ACSM3: variants seen among roughly 807,000 people sequenced by gnomAD.
The protein encoded by ACSM3 is acyl-CoA synthetase medium chain family member 3, also known as acyl-coenzyme A synthetase ACSM3, mitochondrial.
Under a neutral mutation model 74.1 loss-of-function variants are expected in ACSM3, and 61 were observed. The ratio of observed to expected loss-of-function variants is 0.82; its 90% CI spans 0.67 to 1.02. The LOEUF is 1.02. Ranked by LOEUF, ACSM3 falls within the 50% of genes least tolerant of loss-of-function variation. The probability of loss-of-function intolerance (pLI) is 0.00; values close to 1 mark genes in which losing one functional copy is unlikely to be tolerated. For synonymous variants in ACSM3, 213 were observed against 241.5 expected (o/e 0.88, Z 1.09); for missense variants, 660 against 697.0 (o/e 0.95, Z 0.60).
Position 20,770,055 on chromosome 16 carries a change from GA to G in ACSM3, c.23del (p.Lys8ArgfsTer12). MLARVTR[K>X]MLRHAKCFQR... ...GACTGATGCTAGCTCGTGTCACCAG[GA>G]AGATGCTACGTCATGCCAAGTGTTT... On this transcript the variant is annotated frameshift_variant, in exon 2 of 14. Coordinates refer to ENST00000289416, the MANE Select transcript of ACSM3 (RefSeq NM_005622.4). LOFTEE classifies it high-confidence loss of function. 2.5e-6 allele frequency: 4 copies of G among 1,614,168 alleles called. No individual in the cohort carries two copies. The highest frequency in any genetic ancestry group is 3.4e-6 in the Non-Finnish European group (4 of 1,180,008).
chr16:20,684,471 G>A (rs1443401828), intron 1 of ACSM3, among the ~76,000 whole-genome samples: 1 of 152,228 alleles, frequency 6.6e-6, no homozygotes, highest in Non-Finnish European at 1.5e-5. Context: ...CCCCTGATGT[G>A]ATGCACAGAG....
intron 12 of ACSM3, among the ~76,000 whole-genome samples, chr16:20,794,013 A>G (rs1230841033): frequency 1.3e-5 from 2 of 152,100 alleles, no homozygotes; most frequent in African/African-American, 4.8e-5. Flanking sequence ...AGTCAGAGTG[A>G]GGGGGAAAGT....
At chr16:20,775,743 G>A (rs1282395800) in intron 2 of ACSM3, 96 bp from the exon 3 acceptor site, 8 of 1,255,754 alleles carry the variant, frequency 6.4e-6, no homozygotes, top group African/African-American at 3.0e-5. Context: ...AATGACTTGC[G>A]AACTTTCTTC....
At chr16:20,796,655 C>T (rs1039622698) in intron 13 of ACSM3, 166 bp downstream of exon 13, 3 of 1,481,350 alleles carry the variant, frequency 2.0e-6, no homozygotes, top group Admixed American at 2.8e-5. Flanking sequence ...TAAAATGAAA[C>T]CCTGAACCTA....
At chr16:20,704,600 AT>A (rs1368322376) in intron 1 of ACSM3, among the ~76,000 whole-genome samples, 1 of 152,206 alleles carries the variant, frequency 6.6e-6, no homozygotes, top group African/African-American at 2.4e-5. Context: ...ACTGATTCCA[AT>A]CCAAAATGCT....
chr16:20,796,379 G>T lies in ACSM3; in HGVS notation c.1564G>T (p.Ala522Ser), dbSNP rs758739948. ...PDPIRGEVVK[A>S]FVVLNPDYKS... is the part of the protein sequence containing the mutation. ...CAAATATTTATTTTAGGTAGTAAAG[G>T]CTTTTGTCGTTCTAAATCCTGATTA... Residue 522 changes from alanine (A) to serine (S), a missense_variant, in exon 13 of 14, where the codon GCT becomes TCT. Coordinates refer to ENST00000289416, the MANE Select transcript of ACSM3 (RefSeq NM_005622.4). The T allele has an allele frequency of 6.2e-7, 1 of 1,610,738 alleles. No homozygotes were observed. Among genetic ancestry groups the T allele is most frequent in the Non-Finnish European group, 8.5e-7 (1 of 1,179,256 alleles).
In ACSM3 at chr16:20,738,169, T is replaced by C; in HGVS notation, c.-189-11741T>C. On this transcript the variant is annotated intron_variant, in intron 1 of 3. Transcript: ENST00000561584. Reference sequence around the variant, plus strand: ...CTAATATATTTTAACTTTTCATCATTATTACTGCTTGCACTAGAAATGACT... The same window carrying C: ...CTAATATATTTTAACTTTTCATCATCATTACTGCTTGCACTAGAAATGACT... The C allele has an allele frequency of 4.9e-6, 3 of 606,518 alleles. 1 individual carries two copies. The highest frequency in any genetic ancestry group is 4.4e-5 in the South Asian group (3 of 67,942). The allele number at this position is 606,518 out of a possible 1,614,324, so 37.6% of individuals were successfully genotyped here. A position where few individuals can be genotyped will look rare whatever the true frequency, so the allele number is the denominator to read the frequency against.
At position 20,764,113 on chromosome 16, in the gene ACSM3, A is replaced by T. The variant is rs1217604958; in HGVS notation, c.-64A>T. The stretch of plus-strand genomic sequence containing the variant: ...CTGCCATAATCTCCATCTGTGTTGG[A>T]ATCTGTTAACTAGTGAGTACCTCAT... On this transcript the variant is annotated 5_prime_UTR_variant, in exon 1 of 14. Transcript: ENST00000289416. 6.6e-6 allele frequency: 1 copy of T among 152,216 alleles called. No individual in the cohort carries two copies. Among genetic ancestry groups the T allele is most frequent in the Non-Finnish European group, 1.5e-5 (1 of 68,040 alleles). The allele number at this position is 152,216 out of a possible 1,614,324, so 9.4% of individuals were successfully genotyped here. A position where few individuals can be genotyped will look rare whatever the true frequency, so the allele number is the denominator to read the frequency against.
intron 1 of ACSM3, among the ~76,000 whole-genome samples, chr16:20,688,331 T>C (rs547865749): frequency 1.3e-5 from 2 of 152,164 alleles, no homozygotes; most frequent in East Asian, 3.9e-4. Flanking sequence ...CCAACCAATA[T>C]ACCCATTTTG....
In ACSM3 at chr16:20,682,533, C is replaced by T. The variant is rs2079469409; in HGVS notation, c.-190+7711C>T. On this transcript the variant is annotated intron_variant, in intron 1 of 3. Transcript: ENST00000561584. ...ACCATGGGCTTTAGACTTGGCTTGTCTGCATCGAAATACCCTAACTTCTTG... is the reference window on the plus strand; with the variant it reads ...ACCATGGGCTTTAGACTTGGCTTGTTTGCATCGAAATACCCTAACTTCTTG... 1.5e-5 allele frequency: 20 copies of T among 1,297,036 alleles called. No homozygotes were observed. The Admixed American group carries it at 3.3e-4, about 21-fold the overall frequency. 80.3% of individuals were successfully genotyped at this position (1,297,036 alleles called of 1,614,324 possible). A position where few individuals can be genotyped will look rare whatever the true frequency, so the allele number is the denominator to read the frequency against.
intron 1 of ACSM3, among the ~76,000 whole-genome samples, chr16:20,740,931 G>A (rs1430362324): frequency 1.3e-5 from 2 of 152,154 alleles, no homozygotes; most frequent in Non-Finnish European, 2.9e-5. Context: ...GTTTCTGAAA[G>A]AGCTTCAGCA....
intron 1 of ACSM3, among the ~76,000 whole-genome samples, chr16:20,704,192 T>A (rs2079720877): frequency 6.6e-6 from 1 of 152,222 alleles, no homozygotes; most frequent in Admixed American, 6.5e-5. Context: ...CTATATAATA[T>A]GGACTCAAAT....
At chr16:20,724,639 T>C (rs1268315234) in intron 1 of ACSM3, among the ~76,000 whole-genome samples, 1 of 152,198 alleles carries the variant, frequency 6.6e-6, no homozygotes, top group Non-Finnish European at 1.5e-5. Flanking sequence ...CCCCATCGTC[T>C]CAGCCCAAAA....
upstream of ACSM3, among the ~76,000 whole-genome samples, chr16:20,762,060 T>G (rs1180297507): frequency 2.6e-5 from 4 of 152,204 alleles, no homozygotes; most frequent in Admixed American, 2.6e-4. Flanking sequence ...CACCTGGATC[T>G]CTCAAGTTGC....
chr16:20,695,322 T>G (rs1018144870), intron 1 of ACSM3, among the ~76,000 whole-genome samples: 2 of 152,166 alleles, frequency 1.3e-5, no homozygotes, highest in Non-Finnish European at 2.9e-5. Flanking sequence ...GAAGCCATGG[T>G]GATAAATGCA....
In ACSM3 at chr16:20,792,133, A is replaced by G; in HGVS notation, c.1454+4A>G. The G allele has an allele frequency of 6.2e-7, 1 of 1,614,110 alleles. No homozygotes were observed. Among genetic ancestry groups the G allele is most frequent in the Non-Finnish European group, 8.5e-7 (1 of 1,179,996 alleles). On this transcript the variant is annotated splice_donor_region_variant and intron_variant, in intron 11 of 13. Transcript: ENST00000289416. The stretch of plus-strand genomic sequence containing the variant: ...ATGATGTCATATTATCCTCTGGGTA[A>G]CTTTCTTTTCCATATGTGCATATGT...
chr16:20,729,458 C>T (rs1368898961), intron 1 of ACSM3: 18 of 699,516 alleles, frequency 2.6e-5, no homozygotes, highest in Admixed American at 6.3e-5. Context: ...TTTCAGGTAC[C>T]GTATTGGGCC....
chr16:20,680,418 T>A (rs2079416610), intron 1 of ACSM3: 1 of 152,236 alleles, frequency 6.6e-6, no homozygotes, highest in Non-Finnish European at 1.5e-5. Context: ...CTCAACTAGC[T>A]GAAAACATAG....
chr16:20,726,108 G>A (rs997075074), intron 1 of ACSM3, among the ~76,000 whole-genome samples: 9 of 151,946 alleles, frequency 5.9e-5, no homozygotes, highest in East Asian at 1.9e-4. Context: ...TATAGTCCCC[G>A]AACTCCCCCT....
Sources: gnomAD v4.1 joint callset for allele counts (sites outside exome capture counted in the v4.1 genomes callset) on GRCh38, gnomAD v4.1.1 for gene constraint, MANE v1.5 for transcripts, NCBI Gene and HGNC (gene_info 2026-07-23, HGNC 2026-07-21) for gene names.